Variants in AP3D1 observed in about 807,000 individuals in gnomAD.
AP3D1 encodes the protein adaptor related protein complex 3 subunit delta 1.
AP3D1 carries 51 observed loss-of-function variants against 147.6 expected under a neutral mutation model. The ratio of observed to expected loss-of-function variants is 0.35; its 90% CI spans 0.28 to 0.44. The LOEUF (loss-of-function observed/expected upper bound fraction) is 0.44, where lower values mean the gene tolerates loss of function less well. AP3D1 is among the 20% of genes least tolerant of loss of function. AP3D1 has a pLI of 1.00. For synonymous variants in AP3D1, 760 were observed against 663.0 expected (o/e 1.15, Z -2.25); for missense variants, 1,421 against 1,624.2 (o/e 0.87, Z 2.15).
At chr19:2,116,978 TC>T in intron 16 of AP3D1, 1 of 797,488 alleles carries the variant, frequency 1.3e-6, no homozygotes. Context: ...TCAGGCTGCC[TC>T]AGAGCTTTAT....
rs1327549419 is a variant in AP3D1 at position 2,162,090 on chromosome 19, C to T, written c.-103+2266G>A. On this transcript the variant is annotated intron_variant, in intron 1 of 14. Transcript: ENST00000643010. The stretch of plus-strand genomic sequence containing the variant: ...TCACTCTGTCGCCCAGGCTGGAGTG[C>T]AGTGGCACGATCTCGGGTCACTGCA... Among the ~76,000 whole-genome samples, 5 of 143,472 alleles carry T rather than the reference C, an allele frequency of 3.5e-5. No individual in the cohort carries two copies. In the Admixed American group the frequency reaches 3.5e-4, roughly 10 times the overall value. The allele number at this position is 143,472 out of a possible 152,430, so 94.1% of individuals were successfully genotyped here.
Position 2,130,472 on chromosome 19 carries a change from C to T in AP3D1, c.528G>A (p.Lys176=), listed in dbSNP as rs1408175439. ...AVLIMYKVFL[K]YPESLRPAFP... is the part of the protein sequence containing the mutation. ...AGGCAGGGCGCAGCGACTCGGGGTACTTCAGGAACACCTTGTACATGATCA... is the reference window on the plus strand; with the variant it reads ...AGGCAGGGCGCAGCGACTCGGGGTATTTCAGGAACACCTTGTACATGATCA... Residue 176 remains lysine (K), a synonymous_variant, in exon 6 of 32, where the codon AAG becomes AAA. Transcript: ENST00000643116. 4.3e-6 allele frequency: 7 copies of T among 1,614,104 alleles called. No homozygotes were observed. The highest frequency in any genetic ancestry group is 5.9e-6 in the Non-Finnish European group (7 of 1,180,028).
chr19:2,138,098 T>C (rs575827887), intron 2 of AP3D1, among the ~76,000 whole-genome samples: 98 of 152,302 alleles, frequency 6.4e-4, no homozygotes, highest in Non-Finnish European at 1.1e-3. Flanking sequence ...TACCAACCCT[T>C]GGCGAATCGG....
chr19:2,123,290 TAGG>T, intron 11 of AP3D1, 65 bp downstream of exon 11: 2 of 1,478,474 alleles, frequency 1.4e-6, no homozygotes, highest in Middle Eastern at 1.8e-4. Flanking sequence ...CTCCTCACAC[TAGG>T]AGGACCCCTA....
chr19:2,113,091 GCCCT>G (rs746290540), intron 23 of AP3D1, 124 bp from the exon 24 acceptor site: 20 of 695,652 alleles, frequency 2.9e-5, no homozygotes, highest in Non-Finnish European at 4.3e-5. Context: ...AGGCCACAGT[GCCCT>G]CCGAGTGACA....
At chr19:2,129,487 C>T (rs761327019) in intron 6 of AP3D1, 30 bp from the exon 7 acceptor site, 3 of 1,600,424 alleles carry the variant, frequency 1.9e-6, no homozygotes, top group Non-Finnish European at 2.6e-6. Context: ...CATCAGCATG[C>T]CTGTCCTTCC....
chr19:2,123,680 T>C (rs2018671756), intron 10 of AP3D1, 150 bp downstream of exon 10: 2 of 942,256 alleles, frequency 2.1e-6, no homozygotes, highest in Non-Finnish European at 3.2e-6. Context: ...GGGTAGGTAG[T>C]GCACACAGGA....
At chr19:2,150,817 C>G (rs1193191350) in intron 1 of AP3D1, among the ~76,000 whole-genome samples, 4 of 152,186 alleles carry the variant, frequency 2.6e-5, no homozygotes, top group Non-Finnish European at 5.9e-5. Context: ...GAAACACACT[C>G]AGGTTGAAGA....
chr19:2,102,280 A>C lies in AP3D1; in HGVS notation c.3553-12T>G. On this transcript the variant is annotated splice_polypyrimidine_tract_variant and intron_variant, in intron 31 of 31. Coordinates refer to ENST00000643116, the MANE Select transcript of AP3D1 (RefSeq NM_001261826.3). ...ACAGAGTTCTCACCCTGTGTAAGGAAAAAAGATGGATATTTTAAAAGTGTG... is the reference window on the plus strand; with the variant it reads ...ACAGAGTTCTCACCCTGTGTAAGGACAAAAGATGGATATTTTAAAAGTGTG... 1.2e-6 allele frequency: 2 copies of C among 1,604,188 alleles called. No individual in the cohort carries two copies.
intron 1 of AP3D1, among the ~76,000 whole-genome samples, chr19:2,145,829 CAA>C (rs1040073938): frequency 4.6e-5 from 7 of 152,198 alleles, no homozygotes; most frequent in Non-Finnish European, 8.8e-5. Context: ...GTAAAATAGA[CAA>C]AGAGGCCCAA....
chr19:2,163,027 A>G (rs1272710897), intron 1 of AP3D1, among the ~76,000 whole-genome samples: 2 of 152,130 alleles, frequency 1.3e-5, no homozygotes, highest in East Asian at 3.8e-4. Flanking sequence ...GCATAGGCTG[A>G]ACTAACTTTG....
intron 9 of AP3D1, 126 bp downstream of exon 9, chr19:2,127,026 G>A (rs1343040013): frequency 1.9e-6 from 2 of 1,032,734 alleles, no homozygotes; most frequent in Admixed American, 2.0e-5. Context: ...CCACCAGCCA[G>A]CTTTCCTTCT....
intron 1 of AP3D1, among the ~76,000 whole-genome samples, chr19:2,142,436 C>T (rs2019246699): frequency 6.6e-6 from 1 of 152,194 alleles, no homozygotes; most frequent in South Asian, 2.1e-4. Flanking sequence ...AGGTGTGAGC[C>T]ACCGCACCTG....
chr19:2,118,272 G>A (rs1324689617), intron 15 of AP3D1, among the ~76,000 whole-genome samples: 1 of 152,198 alleles, frequency 6.6e-6, no homozygotes, highest in Non-Finnish European at 1.5e-5. Context: ...GTCACCTGCA[G>A]CCACCAGAAA....
At chr19:2,163,832 G>C (rs1227851733) in intron 1 of AP3D1, among the ~76,000 whole-genome samples, 1 of 150,632 alleles carries the variant, frequency 6.6e-6, no homozygotes, top group African/African-American at 2.4e-5. Context: ...CGAGGGGGTG[G>C]CGCGCGCGGG....
intron 17 of AP3D1, 120 bp downstream of exon 17, chr19:2,116,485 G>T (rs906744412): frequency 1.5e-6 from 2 of 1,350,142 alleles, no homozygotes; most frequent in Non-Finnish European, 2.0e-6. Flanking sequence ...AGGCAGGGAC[G>T]CCCATGCCTC....
intron 31 of AP3D1, among the ~76,000 whole-genome samples, chr19:2,103,589 A>G (rs1484479687): frequency 6.6e-6 from 1 of 152,218 alleles, no homozygotes; most frequent in Non-Finnish European, 1.5e-5. Context: ...GAAGGCACTG[A>G]GTCCAGAGGC....
chr19:2,112,273 C>T (rs900265223), intron 24 of AP3D1: 47 of 187,978 alleles, frequency 2.5e-4, no homozygotes, highest in African/African-American at 8.9e-4. Context: ...GTGGCCCATC[C>T]GCGGAGGAAC....
chr19:2,141,577 G>A (rs542367960), intron 1 of AP3D1, among the ~76,000 whole-genome samples: 8 of 151,446 alleles, frequency 5.3e-5, no homozygotes, highest in African/African-American at 7.3e-5. Context: ...GAGTGGCTAC[G>A]ATTACAGGTA....
Sources: allele counts gnomAD v4.1 joint callset (sites outside exome capture counted in the v4.1 genomes callset), GRCh38; gene constraint gnomAD v4.1.1; transcripts MANE v1.5; gene names NCBI Gene and HGNC (gene_info 2026-07-23, HGNC 2026-07-21).